SYNJ1: variants seen among roughly 807,000 people sequenced by gnomAD.
The protein encoded by SYNJ1 is polyphosphatidylinositol phosphatase SYNJ1.
Under a neutral mutation model 168.2 loss-of-function variants are expected in SYNJ1, and 78 were observed. That is an observed-to-expected ratio of 0.46 (90% CI 0.39 to 0.56). The LOEUF (loss-of-function observed/expected upper bound fraction) is 0.56. Among genes scored for constraint, SYNJ1 ranks in the 20% least tolerant of loss-of-function variants. The pLI is 0.00. For missense variants in SYNJ1, 1,303 were observed against 1,597.6 expected (o/e 0.82, Z 3.14); for synonymous variants, 539 against 548.6 (o/e 0.98, Z 0.24).
At chr21:32,632,964 G>A (rs2039405944) in intron 32 of SYNJ1, among the ~76,000 whole-genome samples, 1 of 152,084 alleles carries the variant, frequency 6.6e-6, no homozygotes, top group East Asian at 1.9e-4. Flanking sequence ...AGGTTGCAGT[G>A]AGCTGAGATC....
chr21:32,718,661 TA>T (rs906195823), intron 2 of SYNJ1, among the ~76,000 whole-genome samples: 90 of 142,022 alleles, frequency 6.3e-4, no homozygotes, highest in Admixed American at 1.1e-3. Context: ...GTTTGGCAAT[TA>T]AAAAAAAAAA....
chr21:32,675,349 C>T (rs1000235517), intron 13 of SYNJ1, among the ~76,000 whole-genome samples: 1 of 152,198 alleles, frequency 6.6e-6, no homozygotes. Context: ...TTATTCTTAA[C>T]TGGTGCCACC....
rs869206401 is a variant in SYNJ1 at position 32,727,987 on chromosome 21, G to A, written c.-64C>T. The A allele has an allele frequency of 7.2e-6, 11 of 1,535,276 alleles. No individual in the cohort carries two copies. Among genetic ancestry groups the A allele is most frequent in the Non-Finnish European group, 7.9e-6 (9 of 1,145,872 alleles). ...TCCTCCTCCTTCTCCCGCAGCCGCC[G>A]CCACAGCCGCCGGGAGCGTCACTTC... is the stretch of plus-strand genomic sequence containing the variant. On this transcript the variant is annotated 5_prime_UTR_variant, in exon 1 of 33. Transcript: ENST00000674351.
intron 29 of SYNJ1, among the ~76,000 whole-genome samples, chr21:32,640,224 T>G (rs2039768967): frequency 6.6e-6 from 1 of 151,984 alleles, no homozygotes; most frequent in Non-Finnish European, 1.5e-5. Flanking sequence ...GATTTTAAAA[T>G]ATACAAGGAG....
At position 32,681,545 on chromosome 21, in the gene SYNJ1, G is replaced by A; in HGVS notation, c.1304C>T (p.Ser435Leu). ...FRSMWSVNGD[S>L]ISKIYAGTGA... ...AGTTCCTGCATATATCTTACTGATT[G>A]AATCACCATTCACGGACCACATTGA... The change falls in exon 11 of 33, where the codon TCA (serine) becomes TTA (leucine). Residue 435 changes from serine to leucine, a missense_variant. This residue lies in a region of SYNJ1 where 920 missense variants were observed against 1,208.8 expected (regional missense o/e 0.76). Coordinates refer to ENST00000674351, the MANE Select transcript of SYNJ1 (RefSeq NM_203446.3). 6.2e-7 allele frequency: 1 copy of A among 1,613,766 alleles called. No individual in the cohort carries two copies. Among genetic ancestry groups the A allele is most frequent in the Non-Finnish European group, 8.5e-7 (1 of 1,179,808 alleles).
At chr21:32,668,893 A>G (rs2041066486) in intron 15 of SYNJ1, among the ~76,000 whole-genome samples, 1 of 152,200 alleles carries the variant, frequency 6.6e-6, no homozygotes, top group African/African-American at 2.4e-5. Context: ...CTGATGGTGC[A>G]AAAGCAACAA....
At chr21:32,692,085 T>C (rs1014813398) in intron 6 of SYNJ1, among the ~76,000 whole-genome samples, 1 of 152,194 alleles carries the variant, frequency 6.6e-6, no homozygotes, top group African/African-American at 2.4e-5. Context: ...TCTTCCAGGC[T>C]AGAAGAAATT....
intron 6 of SYNJ1, among the ~76,000 whole-genome samples, chr21:32,690,706 T>G (rs1336801942): frequency 6.6e-6 from 1 of 151,832 alleles, no homozygotes; most frequent in Non-Finnish European, 1.5e-5. Context: ...GCGGATCACC[T>G]GAGGTCAGGA....
In SYNJ1 at chr21:32,656,986, A is replaced by G. The variant is rs1248539948; in HGVS notation, c.2579+17T>C. ...ACAAATTTCAAACACTATTAGAAAAACTGAGACTGCTTAAACCTGTGGTCA... is the reference window on the plus strand; with the variant it reads ...ACAAATTTCAAACACTATTAGAAAAGCTGAGACTGCTTAAACCTGTGGTCA... On this transcript the variant is annotated intron_variant, in intron 20 of 32. Coordinates refer to ENST00000674351, the MANE Select transcript of SYNJ1 (RefSeq NM_203446.3). 1.2e-6 allele frequency: 2 copies of G among 1,611,912 alleles called. No homozygotes were observed. The highest frequency in any genetic ancestry group is 1.1e-5 in the South Asian group (1 of 90,816).
chr21:32,650,278 C>A lies in SYNJ1; in HGVS notation c.2943G>T (p.Met981Ile), dbSNP rs115683257. The part of the protein sequence containing the change: ...PDWIKNLEEE[M>I]SLEKISIALP... ...ATGCAATGCTAATTTTCTCTAAACT[C>A]ATTTCTTCTTCCAAATTTTTGATCC... Residue 981 changes from methionine to isoleucine, a missense_variant, in exon 23 of 33, where the codon ATG (methionine) becomes ATT (isoleucine). Transcript: ENST00000674351. 713 of 1,613,960 alleles carry A rather than the reference C, an allele frequency of 4.4e-4. 2 individuals are homozygous for A. In the African/African-American group the frequency reaches 7.1e-3, roughly 16 times the overall value.
At chr21:32,657,659 C>G in intron 19 of SYNJ1, 57 bp downstream of exon 19, 1 of 1,467,034 alleles carries the variant, frequency 6.8e-7, no homozygotes. Flanking sequence ...TATGTCATTC[C>G]CTGCTTCCTC....
chr21:32,692,791 C>A (rs1003251182), intron 6 of SYNJ1, among the ~76,000 whole-genome samples: 3 of 152,094 alleles, frequency 2.0e-5, no homozygotes, highest in Non-Finnish European at 2.9e-5. Context: ...GTGGCTCAGG[C>A]CTGTAATCCT....
chr21:32,645,097 C>G, intron 25 of SYNJ1, 91 bp from the exon 26 acceptor site: 1 of 1,263,836 alleles, frequency 7.9e-7, no homozygotes, highest in Non-Finnish European at 1.1e-6. Flanking sequence ...TCCATGACAT[C>G]AAGTATCATG....
At chr21:32,711,962 T>C (rs535752492) in intron 2 of SYNJ1, among the ~76,000 whole-genome samples, 3 of 152,378 alleles carry the variant, frequency 2.0e-5, no homozygotes, top group South Asian at 2.1e-4. Context: ...AAAAGTATTT[T>C]CAGGATTAAA....
At chr21:32,673,627 A>G in intron 13 of SYNJ1, 96 bp from the exon 14 acceptor site, 1 of 1,069,496 alleles carries the variant, frequency 9.4e-7, no homozygotes, top group South Asian at 2.3e-5. Flanking sequence ...TGGAAAGCAC[A>G]ATTATTATCA....
chr21:32,648,645 C>T (rs965431453), intron 23 of SYNJ1, among the ~76,000 whole-genome samples: 4 of 152,208 alleles, frequency 2.6e-5, no homozygotes, highest in African/African-American at 9.6e-5. Context: ...TGTGTTTCCA[C>T]ATACTCAATC....
chr21:32,680,532 C>A (rs978316510), intron 11 of SYNJ1, among the ~76,000 whole-genome samples: 1 of 151,584 alleles, frequency 6.6e-6, no homozygotes. Context: ...CAATAAGGGA[C>A]AAATACTTGA....
At position 32,650,312 on chromosome 21, in the gene SYNJ1, C is replaced by G. The variant is rs537389515; in HGVS notation, c.2909G>C (p.Ser970Thr). 6.8e-5 allele frequency: 109 copies of G among 1,613,184 alleles called. 1 individual carries two copies. The highest frequency in any genetic ancestry group is 1.7e-4 in the Middle Eastern group (1 of 6,058). ...TTCCAAATTTTTGATCCAGTCTGGA[C>G]TTTTTAAAGCAATAGTTATAGTCCG... The part of the protein sequence containing the change: ...LNRTITIALK[S>T]PDWIKNLEEE... Residue 970 changes from serine to threonine, a missense_variant, in exon 23 of 33, where the codon AGT becomes ACT. By Grantham distance (58) the Ser-to-Thr change is moderately conservative (BLOSUM62 1). Transcript: ENST00000674351.
Position 32,679,849 on chromosome 21 carries a change from C to G in SYNJ1, c.1354-1048G>C, listed in dbSNP as rs531412307. 6.6e-4 allele frequency among the ~76,000 whole-genome samples: 101 copies of G among 151,966 alleles called. 1 individual carries two copies. Among genetic ancestry groups the G allele is most frequent in the African/African-American group, 2.3e-3 (94 of 41,488 alleles). On this transcript the variant is annotated intron_variant, in intron 11 of 32. Coordinates refer to ENST00000674351, the MANE Select transcript of SYNJ1 (RefSeq NM_203446.3). ...TTATCAGGCAATTAATCAAAAGGAA[C>G]CCAGAGAAAAGGAAAAGAAAGAGCA... is the stretch of plus-strand genomic sequence containing the variant.
Sources: gnomAD v4.1 joint callset for allele counts (sites outside exome capture counted in the v4.1 genomes callset) on GRCh38, gnomAD v4.1.1 for gene constraint, gnomAD v4.1.1 regional missense constraint, MANE v1.5 for transcripts, NCBI Gene and HGNC (gene_info 2026-07-23, HGNC 2026-07-21) for gene names.